Variants in CYP2C19 observed in about 807,000 individuals in gnomAD.
CYP2C19 encodes the protein cytochrome P450 2C19.
A neutral mutation model predicts 40.9 loss-of-function variants in CYP2C19; 59 were observed. The ratio of observed to expected loss-of-function variants is 1.44; its 90% CI spans 1.17 to 1.79. The LOEUF (loss-of-function observed/expected upper bound fraction) is 1.79. CYP2C19 is among the 40% of genes most tolerant of loss of function. The pLI is 0.00. For synonymous variants in CYP2C19, 253 were observed against 208.7 expected (o/e 1.21, Z -1.83); for missense variants, 754 against 596.9 (o/e 1.26, Z -2.74).
In CYP2C19 at chr10:94,781,906, A is replaced by G. The variant is rs763972230; in HGVS notation, c.728A>G (p.Asp243Gly). The change falls in exon 5 of 9, where the codon GAT becomes GGT. Residue 243 changes from aspartate to glycine, a missense_variant. Transcript: ENST00000371321. The part of the protein sequence containing the change: ...LLKNLAFMES[D>G]ILEKVKEHQE... ...AAAAACCTTGCTTTTATGGAAAGTG[A>G]TATTTTGGAGAAAGTAAAAGAACAC... 3.3e-6 allele frequency: 5 copies of G among 1,505,642 alleles called. No individual in the cohort carries two copies. In the African/African-American group the frequency reaches 5.9e-5, roughly 18 times the overall value. 93.3% of individuals were successfully genotyped at this position (1,505,642 alleles called of 1,614,324 possible). A position where few individuals can be genotyped will look rare whatever the true frequency, so the allele number is the denominator to read the frequency against.
chr10:94,810,172 G>A (rs35476215), intron 5 of CYP2C19, among the ~76,000 whole-genome samples: 33,533 of 151,876 alleles, frequency 0.22, 3,893 homozygotes, highest in South Asian at 0.45. Context: ...GAGCCACGTC[G>A]CCCGGCCTAC....
At chr10:94,844,957 C>G (rs1021035356) in intron 7 of CYP2C19, among the ~76,000 whole-genome samples, 1 of 152,174 alleles carries the variant, frequency 6.6e-6, no homozygotes, top group African/African-American at 2.4e-5. Context: ...CTTCATTCAC[C>G]CACCTGCAGG....
chr10:94,791,217 C>T (rs918809411), intron 5 of CYP2C19, among the ~76,000 whole-genome samples: 3 of 151,896 alleles, frequency 2.0e-5, no homozygotes, highest in Non-Finnish European at 2.9e-5. Context: ...GGTGATATCC[C>T]CTTTATCATT....
intron 6 of CYP2C19, among the ~76,000 whole-genome samples, chr10:94,828,735 G>T (rs1405840191): frequency 1.3e-5 from 2 of 151,950 alleles, no homozygotes; most frequent in African/African-American, 4.8e-5. Context: ...TTGCTCGTTA[G>T]TTGATGCAGT....
intron 1 of CYP2C19, among the ~76,000 whole-genome samples, chr10:94,766,624 T>G (rs1848248142): frequency 6.6e-6 from 1 of 152,120 alleles, no homozygotes; most frequent in Non-Finnish European, 1.5e-5. Context: ...TTATCTTTTT[T>G]AAGGAGGAAG....
chr10:94,845,577 C>G (rs1462418840), intron 7 of CYP2C19, among the ~76,000 whole-genome samples: 1 of 152,096 alleles, frequency 6.6e-6, no homozygotes, highest in Non-Finnish European at 1.5e-5. Flanking sequence ...TGAGTTTTAA[C>G]TTTCCCATAA....
intron 8 of CYP2C19, among the ~76,000 whole-genome samples, chr10:94,850,902 G>A (rs1227809013): frequency 3.9e-5 from 6 of 152,210 alleles, no homozygotes; most frequent in South Asian, 4.1e-4. Flanking sequence ...TTTTTTGGAT[G>A]TTTGATCTCC....
chr10:94,825,791 G>A (rs1191405140), intron 6 of CYP2C19, among the ~76,000 whole-genome samples: 1 of 130,748 alleles, frequency 7.6e-6, no homozygotes, highest in South Asian at 2.8e-4. Flanking sequence ...ATGGTTTTAG[G>A]TCTAACGTTT....
At chr10:94,792,116 A>G (rs976821692) in intron 5 of CYP2C19, among the ~76,000 whole-genome samples, 5 of 152,018 alleles carry the variant, frequency 3.3e-5, no homozygotes, top group Admixed American at 6.6e-5. Flanking sequence ...ACCATTATAT[A>G]TTGGCCTAGT....
rs56763568 is a variant in CYP2C19 at position 94,810,034 on chromosome 10, C to T, written c.820-10462C>T. Among the ~76,000 whole-genome samples, 1,251 of 152,240 alleles carry T rather than the reference C, an allele frequency of 8.2e-3. 15 individuals are homozygous for T. The highest frequency in any genetic ancestry group is 0.029 in the African/African-American group (1,189 of 41,548). ...ATAGCTGGAATTACAGAGGCTGCCA[C>T]CACGCCTGGCTAATTTTTTGTATCT... is the stretch of plus-strand genomic sequence containing the variant. On this transcript the variant is annotated intron_variant, in intron 5 of 8. Transcript: ENST00000371321.
intron 5 of CYP2C19, among the ~76,000 whole-genome samples, chr10:94,791,459 G>T (rs112263145): frequency 7.2e-5 from 11 of 151,996 alleles, no homozygotes; most frequent in African/African-American, 2.4e-4. Flanking sequence ...TGTGATGTTA[G>T]GGTGTCAAAT....
At chr10:94,806,292 A>C (rs1400059287) in intron 5 of CYP2C19, among the ~76,000 whole-genome samples, 1 of 152,078 alleles carries the variant, frequency 6.6e-6, no homozygotes, top group Non-Finnish European at 1.5e-5. Context: ...AAATTTGCTT[A>C]CCCATTTTTC....
At position 94,780,538 on chromosome 10, in the gene CYP2C19, C is replaced by T. The variant is rs753980288; in HGVS notation, c.521C>T (p.Pro174Leu). The T allele has an allele frequency of 6.2e-7, 1 of 1,613,800 alleles. No individual in the cohort carries two copies. Residue 174 changes from proline (P) to leucine (L), a missense_variant, in exon 4 of 9, where the codon CCC becomes CTC. Physicochemically the swap from Pro to Leu is moderately conservative, Grantham distance 98 (BLOSUM62 -3). Transcript: ENST00000371321. The part of the protein sequence containing the change: ...CDPTFILGCA[P>L]CNVICSIIFQ... ...CCCACTTTCATCCTGGGCTGTGCTC[C>T]CTGCAATGTGATCTGCTCCATTATT...
chr10:94,798,928 C>T (rs1035724544), intron 5 of CYP2C19, among the ~76,000 whole-genome samples: 3 of 149,176 alleles, frequency 2.0e-5, no homozygotes, highest in Non-Finnish European at 4.4e-5. Flanking sequence ...CTGAATACAG[C>T]ACACTGATGG....
chr10:94,808,394 T>C (rs1268666405), intron 5 of CYP2C19, among the ~76,000 whole-genome samples: 1 of 152,136 alleles, frequency 6.6e-6, no homozygotes, highest in Non-Finnish European at 1.5e-5. Flanking sequence ...GGAAGATGGT[T>C]TATCTATCCT....
chr10:94,772,641 C>A (rs114784344), intron 1 of CYP2C19, among the ~76,000 whole-genome samples: 24 of 152,270 alleles, frequency 1.6e-4, no homozygotes, highest in African/African-American at 5.8e-4. Flanking sequence ...CAACCCTTGG[C>A]GCAGCCCAGA....
chr10:94,817,670 A>G (rs1251560866), intron 5 of CYP2C19, among the ~76,000 whole-genome samples: 1 of 150,612 alleles, frequency 6.6e-6, no homozygotes, highest in African/African-American at 2.4e-5. Context: ...TATGTCCTGA[A>G]TGGTAATGCC....
At chr10:94,811,989 G>A (rs935168704) in intron 5 of CYP2C19, among the ~76,000 whole-genome samples, 1 of 152,116 alleles carries the variant, frequency 6.6e-6, no homozygotes, top group Non-Finnish European at 1.5e-5. Flanking sequence ...ACAAAATTTA[G>A]TATGTTTTTG....
At chr10:94,789,730 T>A (rs1848582736) in intron 5 of CYP2C19, among the ~76,000 whole-genome samples, 1 of 152,194 alleles carries the variant, frequency 6.6e-6, no homozygotes, top group Non-Finnish European at 1.5e-5. Flanking sequence ...AGTACCATGC[T>A]GTTTTTATTA....
Sources: allele counts gnomAD v4.1 joint callset (sites outside exome capture counted in the v4.1 genomes callset), GRCh38; gene constraint gnomAD v4.1.1; transcripts MANE v1.5; gene names NCBI Gene and HGNC (gene_info 2026-07-23, HGNC 2026-07-21).